Variants in RMDN2 observed in about 807,000 individuals in gnomAD.
RMDN2 encodes the protein regulator of microtubule dynamics protein 2.
Under a neutral mutation model 52.8 loss-of-function variants are expected in RMDN2, and 61 were observed. The ratio of observed to expected loss-of-function variants is 1.16; its 90% CI spans 0.94 to 1.43. RMDN2 has a LOEUF of 1.43. RMDN2 is among the 40% of genes most tolerant of loss of function. The probability of loss-of-function intolerance (pLI) is 0.00; values close to 1 mark genes in which losing one functional copy is unlikely to be tolerated. For missense variants in RMDN2, 592 were observed against 475.3 expected, an observed-to-expected ratio of 1.25 and a Z score of -2.28; for synonymous variants, 180 against 153.1, an observed-to-expected ratio of 1.18 and a Z score of -1.30.
chr2:38,042,214 G>C (rs1216203436), intron 10 of RMDN2, among the ~76,000 whole-genome samples: 2 of 152,072 alleles, frequency 1.3e-5, no homozygotes, highest in Non-Finnish European at 2.9e-5. Context: ...GTTCATCTAA[G>C]TTATCAAATG....
At chr2:38,043,215 G>C (rs1239781889) in intron 10 of RMDN2, among the ~76,000 whole-genome samples, 1 of 152,104 alleles carries the variant, frequency 6.6e-6, no homozygotes, top group Non-Finnish European at 1.5e-5. Flanking sequence ...TGTCTTCTTG[G>C]AGAATTGTCC....
intron 2 of RMDN2, among the ~76,000 whole-genome samples, chr2:37,949,620 T>C (rs774059273): frequency 1.4e-4 from 21 of 152,142 alleles, no homozygotes; most frequent in Non-Finnish European, 2.6e-4. Flanking sequence ...ATCCGACCAT[T>C]GTATGGTGAA....
At chr2:37,982,479 A>T (rs149152217) in intron 5 of RMDN2, among the ~76,000 whole-genome samples, 78 of 152,258 alleles carry the variant, frequency 5.1e-4, no homozygotes, top group African/African-American at 1.7e-3. Context: ...CAGAACCCAC[A>T]GCACCCTAAC....
intron 4 of RMDN2, among the ~76,000 whole-genome samples, chr2:37,976,052 G>A (rs555241975): frequency 4.3e-4 from 65 of 152,304 alleles, no homozygotes; most frequent in Middle Eastern, 3.4e-3. Flanking sequence ...GAACTCTAGG[G>A]ACTACGAAGA....
intron 10 of RMDN2, among the ~76,000 whole-genome samples, chr2:38,009,404 C>T (rs1031664680): frequency 1.3e-5 from 2 of 152,118 alleles, no homozygotes; most frequent in Non-Finnish European, 2.9e-5. Context: ...AGGCTTTGTT[C>T]GTTTCTTTTT....
intron 10 of RMDN2, among the ~76,000 whole-genome samples, chr2:38,025,162 T>G (rs2125264289): frequency 6.6e-6 from 1 of 152,256 alleles, no homozygotes; most frequent in East Asian, 1.9e-4. Context: ...CTTAATTTAT[T>G]TAGGTCTTTA....
At chr2:38,049,427 C>G in intron 10 of RMDN2, among the ~76,000 whole-genome samples, 1 of 152,164 alleles carries the variant, frequency 6.6e-6, no homozygotes, top group East Asian at 1.9e-4. Flanking sequence ...ACCTTCAAAT[C>G]CCTGCTAAGA....
At chr2:38,037,703 T>C (rs1680676323) in intron 10 of RMDN2, among the ~76,000 whole-genome samples, 1 of 152,238 alleles carries the variant, frequency 6.6e-6, no homozygotes, top group Non-Finnish European at 1.5e-5. Context: ...TGTGTTCGGC[T>C]TCCCGTTGGC....
At chr2:38,036,267 A>G (rs1346325651) in intron 10 of RMDN2, 2 of 152,148 alleles carry the variant, frequency 1.3e-5, no homozygotes, top group African/African-American at 4.8e-5. Flanking sequence ...CCATGATGAG[A>G]ATGCTTCTTC....
chr2:37,923,395 C>G (rs1344913814), upstream of RMDN2: 1 of 152,166 alleles, frequency 6.6e-6, no homozygotes, highest in Non-Finnish European at 1.5e-5. Context: ...GCCCATACGT[C>G]ACATTTTTAT....
chr2:37,958,971 G>A (rs1433555778), intron 2 of RMDN2, among the ~76,000 whole-genome samples: 1 of 151,088 alleles, frequency 6.6e-6, no homozygotes, highest in African/African-American at 2.5e-5. Flanking sequence ...ACTTGCATGT[G>A]TTGAACCAGC....
At chr2:38,010,954 G>T (rs968623895) in intron 10 of RMDN2, among the ~76,000 whole-genome samples, 3 of 152,206 alleles carry the variant, frequency 2.0e-5, no homozygotes, top group Non-Finnish European at 4.4e-5. Flanking sequence ...CCTGTCACCA[G>T]GAGGCCCCTA....
At chr2:37,977,084 C>G (rs1431591799) in intron 4 of RMDN2, among the ~76,000 whole-genome samples, 1 of 152,140 alleles carries the variant, frequency 6.6e-6, no homozygotes, top group Non-Finnish European at 1.5e-5. Flanking sequence ...ATCTGTTTAA[C>G]AAAGCACATC....
intron 10 of RMDN2, among the ~76,000 whole-genome samples, chr2:38,058,213 C>A (rs1168877185): frequency 2.0e-5 from 3 of 152,126 alleles, no homozygotes; most frequent in Admixed American, 2.0e-4. Flanking sequence ...TGGGAAAAAC[C>A]CAGGTCAGTG....
chr2:37,929,340 C>G lies in RMDN2; in HGVS notation c.63C>G (p.Ser21Arg). ...TCATGGTGGGCACTGCTGGAATCAG[C>G]TTGCTGCTCTTGTGGTACCACAAGG... ...LGIMVGTAGISLLLLWYHKVR... is the reference protein window; with the variant it reads ...LGIMVGTAGIRLLLLWYHKVR... The change falls in exon 2 of 11, where the codon AGC (serine) becomes AGG (arginine). Residue 21 changes from serine to arginine, a missense_variant. By Grantham distance (110) the Ser-to-Arg change is moderately radical (BLOSUM62 -1). Transcript: ENST00000354545. The G allele has an allele frequency of 6.4e-7, 1 of 1,551,888 alleles. No homozygotes were observed. Among genetic ancestry groups the G allele is most frequent in the South Asian group, 1.2e-5 (1 of 84,038 alleles).
chr2:37,929,251 T>A lies in RMDN2; in HGVS notation c.-16-11T>A. On this transcript the variant is annotated splice_polypyrimidine_tract_variant and intron_variant, in intron 1 of 10. Transcript: ENST00000354545. Reference sequence around the variant, plus strand: ...AACAACATTCATTTACATTTATGTTTTTAATTTTAGAAACGAAAACCAAGA... The same window carrying A: ...AACAACATTCATTTACATTTATGTTATTAATTTTAGAAACGAAAACCAAGA... The A allele has an allele frequency of 2.8e-6, 4 of 1,424,288 alleles. No homozygotes were observed. The highest frequency in any genetic ancestry group is 3.8e-6 in the Non-Finnish European group (4 of 1,061,164). 88.2% of individuals were successfully genotyped at this position (1,424,288 alleles called of 1,614,324 possible).
At chr2:37,932,061 T>A (rs546443547) in intron 2 of RMDN2, among the ~76,000 whole-genome samples, 1 of 152,188 alleles carries the variant, frequency 6.6e-6, no homozygotes, top group East Asian at 1.9e-4. Flanking sequence ...TATTTATTTA[T>A]TTTATTTATT....
intron 10 of RMDN2, among the ~76,000 whole-genome samples, chr2:38,009,120 C>T (rs1032305930): frequency 2.0e-5 from 3 of 152,210 alleles, no homozygotes; most frequent in African/African-American, 7.2e-5. Flanking sequence ...CGTCCTTTCT[C>T]TCTGGCTGCC....
chr2:38,024,910 A>G (rs1477220979), intron 10 of RMDN2, among the ~76,000 whole-genome samples: 1 of 152,082 alleles, frequency 6.6e-6, no homozygotes. Flanking sequence ...CTCAACACCA[A>G]TACCACATCA....
Sources: gnomAD v4.1 joint callset for allele counts (sites outside exome capture counted in the v4.1 genomes callset) on GRCh38, gnomAD v4.1.1 for gene constraint, MANE v1.5 for transcripts, NCBI Gene and HGNC (gene_info 2026-07-23, HGNC 2026-07-21) for gene names.